Variants in GPX5 observed in about 807,000 individuals in gnomAD.
GPX5 encodes glutathione peroxidase 5.
A neutral mutation model predicts 23.8 loss-of-function variants in GPX5; 20 were observed. The ratio of observed to expected loss-of-function variants is 0.84; its 90% CI spans 0.59 to 1.22. The LOEUF (loss-of-function observed/expected upper bound fraction) is 1.22. Among genes scored for constraint, GPX5 ranks in the 50% most tolerant of loss-of-function variants. The pLI, the probability that GPX5 is intolerant of heterozygous loss-of-function variation, is 0.00. For synonymous variants in GPX5, 92 were observed against 99.5 expected, an observed-to-expected ratio of 0.92 and a Z score of 0.45; for missense variants, 230 against 266.6, an observed-to-expected ratio of 0.86 and a Z score of 0.96.
Position 28,531,717 on chromosome 6 carries a change from A to G in GPX5, c.242-61A>G, listed in dbSNP as rs182913939. The stretch of plus-strand genomic sequence containing the variant: ...TCTGTAAAATGGGTAACCCCAGGGA[A>G]TCATCCTTGCACAAGGCAGAACCTC... On this transcript the variant is annotated intron_variant, in intron 2 of 4. Transcript: ENST00000412168. 653 of 1,086,594 alleles carry G rather than the reference A, an allele frequency of 6.0e-4. 3 individuals carry two copies. In the African/African-American group the frequency reaches 9.1e-3, roughly 15 times the overall value. The allele number at this position is 1,086,594 out of a possible 1,614,324, so 67.3% of individuals were successfully genotyped here.
At chr6:28,531,364 C>A (rs1469457796) in intron 2 of GPX5, among the ~76,000 whole-genome samples, 1 of 75,752 alleles carries the variant, frequency 1.3e-5, no homozygotes, top group South Asian at 5.8e-4. Context: ...GAGTGAGAAT[C>A]TGTCTCAAAA....
intron 2 of GPX5, among the ~76,000 whole-genome samples, chr6:28,531,573 T>G (rs28382606): frequency 6.6e-6 from 1 of 152,042 alleles, no homozygotes; most frequent in Non-Finnish European, 1.5e-5. Flanking sequence ...TGGAAAACAC[T>G]GCACCATGAC....
chr6:28,532,384 T>C lies in GPX5; in HGVS notation c.423T>C (p.Asn141=). 6.3e-7 allele frequency: 1 copy of C among 1,594,794 alleles called. No homozygotes were observed. Among genetic ancestry groups the C allele is most frequent in the African/African-American group, 1.4e-5 (1 of 73,512 alleles). The change falls in exon 4 of 5, where the codon AAT becomes AAC. Residue 141 remains asparagine, a synonymous_variant. Transcript: ENST00000412168. ...SFQLFEKGDV[N]GEKEQKVFSF... is the part of the protein sequence containing the mutation. Reference sequence around the variant, plus strand: ...AGCTTTTTGAGAAAGGGGATGTGAATGGTGAAAAAGAACAGAAAGTCTTCA... The same window carrying C: ...AGCTTTTTGAGAAAGGGGATGTGAACGGTGAAAAAGAACAGAAAGTCTTCA...
At chr6:28,532,000 G>T (rs1023266728) in intron 3 of GPX5, 105 bp downstream of exon 3, 2 of 811,346 alleles carry the variant, frequency 2.5e-6, no homozygotes, top group African/African-American at 3.5e-5. Flanking sequence ...GGATTAATAG[G>T]CTCAGGGGCA....
intron 2 of GPX5, among the ~76,000 whole-genome samples, chr6:28,530,621 A>G (rs1448565625): frequency 1.3e-5 from 2 of 152,240 alleles, no homozygotes; most frequent in African/African-American, 4.8e-5. Flanking sequence ...TTTAATTAAT[A>G]AAATACATTT....
At chr6:28,533,820 G>A in intron 4 of GPX5, 141 bp from the exon 5 acceptor site, 1 of 547,496 alleles carries the variant, frequency 1.8e-6, no homozygotes, top group Non-Finnish European at 3.2e-6. Context: ...GGTGATTCAA[G>A]AATTTATGGA....
At chr6:28,530,289 G>T (rs1763289099) in intron 2 of GPX5, among the ~76,000 whole-genome samples, 1 of 152,154 alleles carries the variant, frequency 6.6e-6, no homozygotes, top group Non-Finnish European at 1.5e-5. Context: ...ATTCAGGGAA[G>T]AATTTTCTCA....
Position 28,525,887 on chromosome 6 carries a change from C to T in GPX5, c.-127C>T, listed in dbSNP as rs183713831. On this transcript the variant is annotated 5_prime_UTR_variant, in exon 1 of 5. Transcript: ENST00000412168. ...TGATCCTCACCCCGACCTCATGCGT[C>T]GGGAATCCTTGCAGCCCTGTGACTG... is the stretch of plus-strand genomic sequence containing the variant. 3.0e-4 allele frequency: 217 copies of T among 725,032 alleles called. 3 individuals carry two copies. In the Admixed American group the frequency reaches 4.0e-3, roughly 14 times the overall value. 44.9% of individuals were successfully genotyped at this position (725,032 alleles called of 1,614,324 possible).
intron 1 of GPX5, chr6:28,528,250 G>A (rs1440676889): frequency 6.6e-6 from 1 of 152,170 alleles, no homozygotes; most frequent in African/African-American, 2.4e-5. Context: ...ATTTATTCAA[G>A]GTGGGGATAA....
At chr6:28,533,837 T>C in intron 4 of GPX5, 124 bp from the exon 5 acceptor site, 1 of 574,422 alleles carries the variant, frequency 1.7e-6, no homozygotes, top group Non-Finnish European at 3.0e-6. Flanking sequence ...TGGAGTTTTT[T>C]AGGAATATCA....
Position 28,532,306 on chromosome 6 carries a change from T to C in GPX5, c.360-15T>C. 2 of 1,499,178 alleles carry C rather than the reference T, an allele frequency of 1.3e-6. No homozygotes were observed. The highest frequency in any genetic ancestry group is 1.8e-6 in the Non-Finnish European group (2 of 1,109,836). 92.9% of individuals were successfully genotyped at this position (1,499,178 alleles called of 1,614,324 possible). A position where few individuals can be genotyped will look rare whatever the true frequency, so the allele number is the denominator to read the frequency against. On this transcript the variant is annotated splice_polypyrimidine_tract_variant and intron_variant, in intron 3 of 4. Transcript: ENST00000412168. ...ATATCCTGGAGCTTCCTGGGAACATTATGGCTTGTTGCAGGTATGTCCGTC... is the reference window on the plus strand; with the variant it reads ...ATATCCTGGAGCTTCCTGGGAACATCATGGCTTGTTGCAGGTATGTCCGTC...
intron 2 of GPX5, among the ~76,000 whole-genome samples, chr6:28,530,845 C>G (rs1763298931): frequency 6.6e-6 from 1 of 152,060 alleles, no homozygotes; most frequent in Non-Finnish European, 1.5e-5. Context: ...GAGGAGGTAC[C>G]AGTTGGCTGA....
intron 1 of GPX5, among the ~76,000 whole-genome samples, chr6:28,527,499 G>GA: frequency 6.6e-6 from 1 of 152,282 alleles, no homozygotes; most frequent in African/African-American, 2.4e-5. Flanking sequence ...AACAGGACTA[G>GA]AAAAAAGTTG....
At position 28,528,791 on chromosome 6, in the gene GPX5, ATG is replaced by A. The variant is rs200264635; in HGVS notation, c.88-656_88-655del. Among the ~76,000 whole-genome samples the A allele has an allele frequency of 8.3e-4, 106 of 127,868 alleles. 4 individuals carry two copies. Among genetic ancestry groups the A allele is most frequent in the African/African-American group, 2.7e-3 (88 of 32,734 alleles). 83.9% of individuals were successfully genotyped at this position (127,868 alleles called of 152,430 possible). A position where few individuals can be genotyped will look rare whatever the true frequency, so the allele number is the denominator to read the frequency against. ...GTGTACATAGTAAGTGTGTATATATATGTGTATATATATATATGTGTGTATAT... is the reference window on the plus strand; with the variant it reads ...GTGTACATAGTAAGTGTGTATATATATGTATATATATATATGTGTGTATAT... On this transcript the variant is annotated intron_variant, in intron 1 of 4. Coordinates refer to ENST00000412168, the MANE Select transcript of GPX5 (RefSeq NM_001509.3).
At chr6:28,531,728 A>G (rs1406113386) in intron 2 of GPX5, 50 bp from the exon 3 acceptor site, 1 of 1,215,700 alleles carries the variant, frequency 8.2e-7, no homozygotes, top group South Asian at 1.3e-5. Context: ...TCATCCTTGC[A>G]CAAGGCAGAA....
At chr6:28,532,712 T>C (rs955548882) in intron 4 of GPX5, among the ~76,000 whole-genome samples, 2 of 152,218 alleles carry the variant, frequency 1.3e-5, no homozygotes. Context: ...CCAGGTACAC[T>C]TGATGAATGC....
intron 2 of GPX5, 49 bp downstream of exon 2, chr6:28,529,653 A>T (rs1414899601): frequency 1.5e-6 from 2 of 1,326,476 alleles, no homozygotes; most frequent in Non-Finnish European, 2.1e-6. Context: ...TTTCCAGCTG[A>T]TCATATTCTA....
intron 1 of GPX5, chr6:28,528,359 G>A (rs1035821978): frequency 6.6e-6 from 1 of 152,172 alleles, no homozygotes; most frequent in African/African-American, 2.4e-5. Context: ...CTGAAGGCCA[G>A]GGATGGGAAT....
Position 28,529,484 on chromosome 6 carries a change from T to A in GPX5, c.121T>A (p.Tyr41Asn). ...DCHKDEKGTI[Y>N]DYEAIALNKN... ...CCACAAAGACGAGAAAGGCACCATC[T>A]ATGACTATGAGGCCATCGCACTTAA... The change falls in exon 2 of 5, where the codon TAT (tyrosine) becomes AAT (asparagine). Residue 41 changes from tyrosine to asparagine, a missense_variant. Physicochemically the swap from Tyr to Asn is moderately radical, Grantham distance 143. Coordinates refer to ENST00000412168, the MANE Select transcript of GPX5 (RefSeq NM_001509.3). 1 of 1,612,840 alleles carries A rather than the reference T, an allele frequency of 6.2e-7. No homozygotes were observed. Among genetic ancestry groups the A allele is most frequent in the Non-Finnish European group, 8.5e-7 (1 of 1,179,222 alleles).
Sources: gnomAD v4.1 joint callset for allele counts (sites outside exome capture counted in the v4.1 genomes callset) on GRCh38, gnomAD v4.1.1 for gene constraint, MANE v1.5 for transcripts, NCBI Gene and HGNC (gene_info 2026-07-23, HGNC 2026-07-21) for gene names.